Variants in PCBP3 observed in about 807,000 individuals in gnomAD.
PCBP3 encodes the protein poly(rC)-binding protein 3.
In PCBP3, 25 loss-of-function variants were observed where a neutral mutation model predicts 52.7. The observed-to-expected ratio is 0.47, with a 90% CI of 0.35 to 0.66. The LOEUF is 0.66. Ranked by LOEUF, PCBP3 falls within the 30% of genes least tolerant of loss-of-function variation. The pLI, the probability that PCBP3 is intolerant of heterozygous loss-of-function variation, is 0.01. For synonymous variants in PCBP3, 162 were observed against 183.0 expected (o/e 0.89, Z 0.93); for missense variants, 391 against 490.3 (o/e 0.80, Z 1.91).
chr21:45,667,652 C>T (rs1172261532), intron 1 of PCBP3, among the ~76,000 whole-genome samples: 10 of 152,124 alleles, frequency 6.6e-5, no homozygotes, highest in Admixed American at 6.6e-4. Context: ...AAGTCCAACA[C>T]TGGGGCTTCC....
intron 6 of PCBP3, among the ~76,000 whole-genome samples, chr21:45,898,398 C>T: frequency 9.4e-6 from 1 of 106,268 alleles, no homozygotes; most frequent in Admixed American, 1.1e-4. Context: ...CCTCCCTCTG[C>T]ACACCGTCCT....
chr21:45,695,808 C>T (rs952627465), intron 2 of PCBP3, among the ~76,000 whole-genome samples: 13 of 152,104 alleles, frequency 8.5e-5, no homozygotes, highest in South Asian at 6.2e-4. Context: ...CAGCCAGGTG[C>T]GTTGGCTCAC....
chr21:45,940,607 G>A (rs1230878637), intron 17 of PCBP3, among the ~76,000 whole-genome samples: 3 of 152,164 alleles, frequency 2.0e-5, no homozygotes, highest in African/African-American at 7.2e-5. Flanking sequence ...TGTAGGGACG[G>A]GCAGGACAGG....
Position 45,817,684 on chromosome 21 carries a change from G to A in PCBP3, c.-125-32277G>A, listed in dbSNP as rs182477983. On this transcript the variant is annotated intron_variant, in intron 4 of 17. Coordinates refer to ENST00000681687, the MANE Select transcript of PCBP3 (RefSeq NM_001384156.1). This position sits in a 1 kb window ranked among gnomAD's most constrained non-coding sequence, Gnocchi z 4.3. The stretch of plus-strand genomic sequence containing the variant: ...CCGCCGGGTGAAAGATCACAGTCCT[G>A]CACCCTGCTGTGCAATGCTCGAACA... Among the ~76,000 whole-genome samples, 84 of 152,320 alleles carry A rather than the reference G, an allele frequency of 5.5e-4. No individual in the cohort carries two copies. Among genetic ancestry groups the A allele is most frequent in the African/African-American group, 2.0e-3 (83 of 41,568 alleles).
chr21:45,832,873 G>C (rs1418162274), intron 4 of PCBP3, among the ~76,000 whole-genome samples: 1 of 152,182 alleles, frequency 6.6e-6, no homozygotes, highest in Non-Finnish European at 1.5e-5. Context: ...TTCTTCACAA[G>C]GCGGCAGGAG....
chr21:45,644,708 T>C (rs2079143828), intron 1 of PCBP3, among the ~76,000 whole-genome samples: 1 of 152,104 alleles, frequency 6.6e-6, no homozygotes, highest in South Asian at 2.1e-4. Context: ...GTAGCACTCT[T>C]AGTTGTTGAG....
chr21:45,730,917 A>G (rs2085406522), intron 2 of PCBP3, among the ~76,000 whole-genome samples: 1 of 151,854 alleles, frequency 6.6e-6, no homozygotes, highest in Admixed American at 6.6e-5. Flanking sequence ...GTGTATGTTT[A>G]TATTTAAAGT....
Position 45,849,975 on chromosome 21 carries a change from C to G in PCBP3, c.-111C>G. On this transcript the variant is annotated 5_prime_UTR_variant, in exon 5 of 18. Transcript: ENST00000681687. ...TTGTGTTTTAGGTCGGTAGGCTCCA[C>G]GACAAAAGTCAACCCTTCTGTAAAT... is the stretch of plus-strand genomic sequence containing the variant. 1 of 1,057,716 alleles carries G rather than the reference C, an allele frequency of 9.5e-7. No homozygotes were observed. The highest frequency in any genetic ancestry group is 1.4e-6 in the Non-Finnish European group (1 of 696,942). 65.5% of individuals were successfully genotyped at this position (1,057,716 alleles called of 1,614,324 possible).
At chr21:45,916,210 G>A (rs2073380460) in intron 12 of PCBP3, 1 of 152,286 alleles carries the variant, frequency 6.6e-6, no homozygotes, top group Admixed American at 6.5e-5. Flanking sequence ...AGACAGTTGG[G>A]GCTGACCTGG....
intron 4 of PCBP3, among the ~76,000 whole-genome samples, chr21:45,783,362 A>G (rs774383449): frequency 3.3e-5 from 5 of 152,176 alleles, no homozygotes; most frequent in Non-Finnish European, 7.3e-5. Context: ...TTTCACCACA[A>G]TTTTCATGGT....
intron 4 of PCBP3, among the ~76,000 whole-genome samples, chr21:45,765,750 A>G (rs1426320629): frequency 6.6e-6 from 1 of 152,244 alleles, no homozygotes; most frequent in African/African-American, 2.4e-5. Flanking sequence ...GGACTTCCAC[A>G]GGGACGACTG....
intron 13 of PCBP3, among the ~76,000 whole-genome samples, chr21:45,920,846 C>G (rs2074339182): frequency 6.6e-6 from 1 of 152,186 alleles, no homozygotes; most frequent in African/African-American, 2.4e-5. Flanking sequence ...TTTCCAGCCC[C>G]CATAACTGTG....
At chr21:45,914,168 C>G in intron 12 of PCBP3, 143 bp downstream of exon 12, 3 of 1,424,692 alleles carry the variant, frequency 2.1e-6, no homozygotes, top group Non-Finnish European at 2.9e-6. Context: ...GCTCTTCCAC[C>G]TACACCCAGC....
intron 2 of PCBP3, among the ~76,000 whole-genome samples, chr21:45,705,758 T>C (rs1180123907): frequency 6.6e-6 from 1 of 152,192 alleles, no homozygotes; most frequent in Non-Finnish European, 1.5e-5. Context: ...CTCTCAGCCT[T>C]TTAAAATAAT....
intron 5 of PCBP3, among the ~76,000 whole-genome samples, chr21:45,886,953 C>T (rs1392862190): frequency 6.6e-6 from 1 of 152,194 alleles, no homozygotes; most frequent in East Asian, 1.9e-4. Flanking sequence ...GGAGGGGCAC[C>T]GTGTCCTCCG....
intron 5 of PCBP3, among the ~76,000 whole-genome samples, chr21:45,886,710 C>T (rs1025927453): frequency 4.6e-5 from 7 of 152,142 alleles, no homozygotes; most frequent in Admixed American, 4.6e-4. Context: ...GCTCTGGGGC[C>T]CTGGAGGCCT....
At position 45,763,755 on chromosome 21, in the gene PCBP3, T is replaced by C. The variant is rs961030497; in HGVS notation, c.-126+8303T>C. On this transcript the variant is annotated intron_variant, in intron 4 of 17. Transcript: ENST00000681687. The stretch of plus-strand genomic sequence containing the variant: ...TTGGTTTCATCAGTGCCCTGGCGAG[T>C]GTCGCTGGTTGCACGTGGGCACTGC... The C allele has an allele frequency of 2.0e-5, 3 of 152,438 alleles. No individual in the cohort carries two copies. In the East Asian group the frequency reaches 5.8e-4, roughly 29 times the overall value. 9.4% of individuals were successfully genotyped at this position (152,438 alleles called of 1,614,324 possible).
chr21:45,671,420 A>G (rs918959520), intron 2 of PCBP3, among the ~76,000 whole-genome samples: 2 of 152,192 alleles, frequency 1.3e-5, no homozygotes, highest in South Asian at 2.1e-4. Flanking sequence ...ACACTGTACA[A>G]TAGTGGAGCC....
intron 4 of PCBP3, among the ~76,000 whole-genome samples, chr21:45,786,136 AT>A (rs947892132): frequency 4.6e-4 from 70 of 150,566 alleles, no homozygotes; most frequent in Non-Finnish European, 8.4e-4. Context: ...CAATAAAAAA[AT>A]AAATAAATAA....
Sources: gnomAD v4.1 joint callset for allele counts (sites outside exome capture counted in the v4.1 genomes callset) on GRCh38, gnomAD v4.1.1 for gene constraint, Gnocchi (gnomAD v3.1) non-coding constraint, MANE v1.5 for transcripts, NCBI Gene and HGNC (gene_info 2026-07-23, HGNC 2026-07-21) for gene names.